PRKAG2: variants seen among roughly 807,000 people sequenced by gnomAD.
The protein encoded by PRKAG2 is 5'-AMP-activated protein kinase subunit gamma-2.
A neutral mutation model predicts 69.6 loss-of-function variants in PRKAG2; 26 were observed. The observed-to-expected ratio is 0.37, with a 90% CI of 0.27 to 0.52. PRKAG2 has a LOEUF of 0.52. Among genes scored for constraint, PRKAG2 ranks in the 20% least tolerant of loss-of-function variants. The pLI, the probability that PRKAG2 is intolerant of heterozygous loss-of-function variation, is 0.90. For missense variants in PRKAG2, 557 were observed against 740.0 expected (o/e 0.75, Z 2.87); for synonymous variants, 293 against 285.0 (o/e 1.03, Z -0.28).
chr7:151,806,640 G>A (rs150021231), intron 1 of PRKAG2: 4 of 181,650 alleles, frequency 2.2e-5, no homozygotes, highest in East Asian at 1.7e-4. Flanking sequence ...ATCAATGGGA[G>A]GAGACAGAAG....
chr7:151,817,803 C>T (rs2078679985), intron 1 of PRKAG2, among the ~76,000 whole-genome samples: 2 of 152,224 alleles, frequency 1.3e-5, no homozygotes, highest in Admixed American at 1.3e-4. Context: ...TTACAGAACA[C>T]ACAAGCTGCA....
chr7:151,639,079 C>A (rs879290709), intron 4 of PRKAG2, among the ~76,000 whole-genome samples: 4 of 152,204 alleles, frequency 2.6e-5, no homozygotes, highest in Non-Finnish European at 5.9e-5. Flanking sequence ...CTGTGCCTGA[C>A]ATGTCCAGGT....
rs1821893761 is a variant in PRKAG2 at position 151,623,012 on chromosome 7, A to C, written c.754+9057T>G. 2.0e-5 allele frequency among the ~76,000 whole-genome samples: 3 copies of C among 151,846 alleles called. No homozygotes were observed. In the South Asian group the frequency reaches 6.3e-4, roughly 32 times the overall value. On this transcript the variant is annotated intron_variant, in intron 5 of 15. Transcript: ENST00000287878. ...AAGACAATTTTTCCATGGATGGGGG[A>C]GCAGGGGGATGGTTTCAGCATGAAA...
chr7:151,609,556 T>G (rs1443536874), intron 5 of PRKAG2, among the ~76,000 whole-genome samples: 1 of 152,136 alleles, frequency 6.6e-6, no homozygotes, highest in Non-Finnish European at 1.5e-5. Flanking sequence ...GCTAAAATAA[T>G]CCACTACTAA....
At chr7:151,564,015 A>C in intron 14 of PRKAG2, 63 bp downstream of exon 14, 1 of 1,609,424 alleles carries the variant, frequency 6.2e-7, no homozygotes, top group Non-Finnish European at 8.5e-7. Context: ...CAGAGGCATC[A>C]TTCACTACTG....
intron 3 of PRKAG2, among the ~76,000 whole-genome samples, chr7:151,776,021 G>A (rs2151792079): frequency 6.6e-6 from 1 of 152,348 alleles, no homozygotes; most frequent in East Asian, 1.9e-4. Context: ...CCATCTGGAA[G>A]GAGCTCAGGG....
At chr7:151,847,494 C>A (rs959865277) in intron 1 of PRKAG2, among the ~76,000 whole-genome samples, 4 of 152,192 alleles carry the variant, frequency 2.6e-5, no homozygotes, top group Non-Finnish European at 4.4e-5. Flanking sequence ...AGGAACTTGT[C>A]CTTCCCACAG....
intron 3 of PRKAG2, among the ~76,000 whole-genome samples, chr7:151,770,789 G>A (rs1474807810): frequency 6.6e-6 from 1 of 152,192 alleles, no homozygotes; most frequent in African/African-American, 2.4e-5. Flanking sequence ...AGTTCGACCT[G>A]GAGCTGTAGG....
chr7:151,755,746 T>C (rs1356921348), intron 3 of PRKAG2, among the ~76,000 whole-genome samples: 2 of 152,242 alleles, frequency 1.3e-5, no homozygotes, highest in Non-Finnish European at 1.5e-5. Flanking sequence ...CAGGAAACAT[T>C]TGTCAACTGC....
intron 4 of PRKAG2, among the ~76,000 whole-genome samples, chr7:151,650,040 T>G (rs376982492): frequency 1.9e-3 from 284 of 152,296 alleles, no homozygotes; most frequent in African/African-American, 6.4e-3. Flanking sequence ...TATTTCTATT[T>G]TCTTTTTAAA....
At position 151,631,733 on chromosome 7, in the gene PRKAG2, G is replaced by A. The variant is rs1221240643; in HGVS notation, c.754+336C>T. The A allele has an allele frequency of 6.4e-6, 3 of 465,440 alleles. No homozygotes were observed. The Admixed American group carries it at 7.0e-5, about 11-fold the overall frequency. The allele number at this position is 465,440 out of a possible 1,614,324, so 28.8% of individuals were successfully genotyped here. ...TCGGGGTTGCCTCCGAGTGCATGGT[G>A]ACAAGCACAAACAATTAGCGCTCCC... is the stretch of plus-strand genomic sequence containing the variant. On this transcript the variant is annotated intron_variant, in intron 5 of 15. Transcript: ENST00000287878.
intron 3 of PRKAG2, among the ~76,000 whole-genome samples, chr7:151,749,866 G>A (rs1289583428): frequency 6.6e-6 from 1 of 151,870 alleles, no homozygotes; most frequent in Non-Finnish European, 1.5e-5. Flanking sequence ...GGAGGCCGAG[G>A]TGGGCAGATC....
rs375979045 is a variant in PRKAG2, at chr7:151,777,751, T to C, written c.466+3401A>G. Among the ~76,000 whole-genome samples, 5 of 152,230 alleles carry C rather than the reference T, an allele frequency of 3.3e-5. No individual in the cohort carries two copies. The highest frequency in any genetic ancestry group is 3.9e-4 in the East Asian group (2 of 5,194). ...CTAACAAAGGGAGGAATTTAGTTTA[T>C]AGTTTAATTTGAAAGCAAGGATGAT... On this transcript the variant is annotated intron_variant, in intron 3 of 15. Transcript: ENST00000287878. The surrounding 1 kb of genome is among the most constrained non-coding windows in gnomAD (Gnocchi z 4.3).
At chr7:151,566,492 G>A (rs1806287742) in intron 11 of PRKAG2, 1 of 377,410 alleles carries the variant, frequency 2.6e-6, no homozygotes, top group African/African-American at 2.1e-5. Context: ...TGTTTTAAAG[G>A]AGGAGGGATA....
At chr7:151,580,816 C>T (rs11765101) in intron 6 of PRKAG2, among the ~76,000 whole-genome samples, 8 of 145,290 alleles carry the variant, frequency 5.5e-5, no homozygotes, top group East Asian at 2.1e-4. Context: ...GGGGTGGGTG[C>T]GGGGAGGAAG....
At chr7:151,721,374 ACAGGGC>A (rs769549411) in intron 3 of PRKAG2, among the ~76,000 whole-genome samples, 4 of 132,170 alleles carry the variant, frequency 3.0e-5, no homozygotes, top group Admixed American at 1.6e-4. Context: ...AGGGCTGAAG[ACAGGGC>A]CAGGGCCAGG....
chr7:151,671,469 A>G (rs1832033953), intron 4 of PRKAG2, among the ~76,000 whole-genome samples: 1 of 152,250 alleles, frequency 6.6e-6, no homozygotes, highest in Admixed American at 6.5e-5. Flanking sequence ...AAAGATACTC[A>G]ATAAAATCCA....
chr7:151,598,202 G>A (rs982624084), intron 5 of PRKAG2, among the ~76,000 whole-genome samples: 2 of 152,198 alleles, frequency 1.3e-5, no homozygotes, highest in African/African-American at 4.8e-5. Flanking sequence ...AAATAAGCCA[G>A]GCGTGGAAAG....
At chr7:151,823,553 C>T (rs77890584) in intron 1 of PRKAG2, among the ~76,000 whole-genome samples, 1,768 of 151,736 alleles carry the variant, frequency 0.012, 15 homozygotes, top group Non-Finnish European at 0.019. Context: ...GAGATGGAAC[C>T]TCACTCACCC....
Sources: allele counts gnomAD v4.1 joint callset (sites outside exome capture counted in the v4.1 genomes callset), GRCh38; gene constraint gnomAD v4.1.1; non-coding constraint Gnocchi (gnomAD v3.1); transcripts MANE v1.5; gene names NCBI Gene and HGNC (gene_info 2026-07-23, HGNC 2026-07-21).